Variants in SYT9 observed in about 807,000 individuals in gnomAD.
SYT9 encodes the protein synaptotagmin-9.
Under a neutral mutation model 48.4 loss-of-function variants are expected in SYT9, and 22 were observed. The observed-to-expected ratio is 0.45, with a 90% CI of 0.32 to 0.65. SYT9 has a LOEUF of 0.65. SYT9 is among the 30% of genes least tolerant of loss of function. The pLI is 0.03. For missense variants in SYT9, 577 were observed against 622.0 expected (o/e 0.93, Z 0.77); for synonymous variants, 265 against 245.0 (o/e 1.08, Z -0.76).
intron 6 of SYT9, chr11:7,457,853 T>C (rs1298954308): frequency 1.3e-5 from 2 of 152,220 alleles, no homozygotes; most frequent in Non-Finnish European, 2.9e-5. Flanking sequence ...AAGCACAGAA[T>C]TCCTGCAAGC....
At chr11:7,389,684 C>T (rs568222330) in intron 3 of SYT9, among the ~76,000 whole-genome samples, 82 of 151,794 alleles carry the variant, frequency 5.4e-4, no homozygotes, top group African/African-American at 1.7e-3. Flanking sequence ...GAGACTAAAG[C>T]GAGAAGAAAG....
At chr11:7,359,797 A>G (rs1850096269) in intron 3 of SYT9, among the ~76,000 whole-genome samples, 2 of 149,462 alleles carry the variant, frequency 1.3e-5, no homozygotes, top group African/African-American at 4.9e-5. Flanking sequence ...CCCATTTTGT[A>G]GGTTGCCTGT....
At chr11:7,403,381 C>A (rs541321563) in intron 3 of SYT9, among the ~76,000 whole-genome samples, 1 of 152,194 alleles carries the variant, frequency 6.6e-6, no homozygotes, top group Non-Finnish European at 1.5e-5. Context: ...AAGACTCCAT[C>A]TCTACAAAAA....
At chr11:7,313,308 C>T (rs1849174397) in intron 2 of SYT9, 87 bp from the exon 3 acceptor site, 1 of 1,357,642 alleles carries the variant, frequency 7.4e-7, no homozygotes, top group Non-Finnish European at 9.9e-7. Context: ...CAAAATATAA[C>T]AGTCTACCTA....
intron 6 of SYT9, among the ~76,000 whole-genome samples, chr11:7,447,526 C>A (rs895554682): frequency 6.6e-6 from 1 of 152,192 alleles, no homozygotes; most frequent in African/African-American, 2.4e-5. Flanking sequence ...TCACTTCCTT[C>A]GAACTCAACA....
intron 1 of SYT9, among the ~76,000 whole-genome samples, chr11:7,256,382 G>C (rs1847970780): frequency 6.6e-6 from 1 of 152,132 alleles, no homozygotes; most frequent in Admixed American, 6.5e-5. Context: ...ATATTAACAG[G>C]ATCCTCAGGT....
At chr11:7,411,767 G>T (rs1286844570) in intron 3 of SYT9, among the ~76,000 whole-genome samples, 1 of 152,122 alleles carries the variant, frequency 6.6e-6, no homozygotes, top group Non-Finnish European at 1.5e-5. Flanking sequence ...GATTGGGGAA[G>T]TTTTCATCTA....
At chr11:7,271,622 G>C in intron 1 of SYT9, among the ~76,000 whole-genome samples, 1 of 152,150 alleles carries the variant, frequency 6.6e-6, no homozygotes, top group East Asian at 1.9e-4. Context: ...TGTCACCCAG[G>C]TTGGAGTGCA....
intron 3 of SYT9, among the ~76,000 whole-genome samples, chr11:7,346,705 T>G (rs933883567): frequency 5.9e-5 from 9 of 152,244 alleles, no homozygotes; most frequent in African/African-American, 1.9e-4. Context: ...TGTTTTACTT[T>G]TCAAAAATAA....
chr11:7,264,549 G>C (rs181166753), intron 1 of SYT9, among the ~76,000 whole-genome samples: 1 of 152,210 alleles, frequency 6.6e-6, no homozygotes, highest in Admixed American at 6.5e-5. Flanking sequence ...ATTAGGGATA[G>C]TGAAGACGTG....
At chr11:7,243,943 A>ATTT (rs10631365) in intron 1 of SYT9, among the ~76,000 whole-genome samples, 166 of 148,172 alleles carry the variant, frequency 1.1e-3, no homozygotes, top group Middle Eastern at 3.5e-3. Context: ...TGCAGAAAGC[A>ATTT]TTTTTTTTTT....
At chr11:7,333,554 A>G (rs889162131) in intron 3 of SYT9, among the ~76,000 whole-genome samples, 1 of 152,204 alleles carries the variant, frequency 6.6e-6, no homozygotes, top group Admixed American at 6.5e-5. Context: ...ACCTTCTTTT[A>G]TAAAAAGTCT....
chr11:7,287,648 G>A (rs1400150845), intron 1 of SYT9, among the ~76,000 whole-genome samples: 1 of 152,176 alleles, frequency 6.6e-6, no homozygotes, highest in Non-Finnish European at 1.5e-5. Context: ...CTTAGAAGGC[G>A]AGAAGGCATT....
intron 3 of SYT9, among the ~76,000 whole-genome samples, chr11:7,393,756 GA>G (rs1489280341): frequency 6.6e-6 from 1 of 151,688 alleles, no homozygotes; most frequent in Non-Finnish European, 1.5e-5. Flanking sequence ...TTTTATTACT[GA>G]TTCAATTTCT....
chr11:7,297,413 G>C (rs1848834124), intron 1 of SYT9, among the ~76,000 whole-genome samples: 1 of 152,058 alleles, frequency 6.6e-6, no homozygotes, highest in Non-Finnish European at 1.5e-5. Context: ...GACTATTTCT[G>C]TATGTATTTA....
chr11:7,283,548 G>T (rs1309054196), intron 1 of SYT9, among the ~76,000 whole-genome samples: 1 of 152,096 alleles, frequency 6.6e-6, no homozygotes, highest in Non-Finnish European at 1.5e-5. Context: ...TTTGTCAAAA[G>T]CTCAGTTAAT....
chr11:7,351,729 A>G (rs1190578937), intron 3 of SYT9, among the ~76,000 whole-genome samples: 3 of 152,196 alleles, frequency 2.0e-5, no homozygotes, highest in Non-Finnish European at 4.4e-5. Flanking sequence ...ATATCCTCAA[A>G]TTGTGAGTTT....
intron 1 of SYT9, among the ~76,000 whole-genome samples, chr11:7,257,344 A>G (rs553217729): frequency 1.6e-4 from 25 of 152,264 alleles, no homozygotes; most frequent in African/African-American, 6.0e-4. Flanking sequence ...CATTGAACAT[A>G]TCATAAGGCT....
Position 7,252,217 on chromosome 11 carries a change from C to A in SYT9, c.31C>A (p.Gln11Lys). 1 of 1,487,680 alleles carries A rather than the reference C, an allele frequency of 6.7e-7. No homozygotes were observed. The highest frequency in any genetic ancestry group is 8.9e-7 in the Non-Finnish European group (1 of 1,119,792). The allele number at this position is 1,487,680 out of a possible 1,614,324, so 92.2% of individuals were successfully genotyped here. ...CGGGGCCAGGGACGCGCTCTGTCACCAGGCGCTGCAGCTGCTGGCCGAGCT... is the reference window on the plus strand; with the variant it reads ...CGGGGCCAGGGACGCGCTCTGTCACAAGGCGCTGCAGCTGCTGGCCGAGCT... MPGARDALCH[Q>K]ALQLLAELCA... Residue 11 changes from glutamine to lysine, a missense_variant, in exon 1 of 7, where the codon CAG (glutamine) becomes AAG (lysine). By Grantham distance (53) the Gln-to-Lys change is moderately conservative. Coordinates refer to ENST00000318881, the MANE Select transcript of SYT9 (RefSeq NM_175733.4). The surrounding 1 kb of genome is among the most constrained non-coding windows in gnomAD (Gnocchi z 6.3).
Sources: gnomAD v4.1 joint callset for allele counts (sites outside exome capture counted in the v4.1 genomes callset) on GRCh38, gnomAD v4.1.1 for gene constraint, Gnocchi (gnomAD v3.1) non-coding constraint, MANE v1.5 for transcripts, NCBI Gene and HGNC (gene_info 2026-07-23, HGNC 2026-07-21) for gene names.